Variants in KCP observed in about 807,000 individuals in gnomAD.
KCP encodes kielin/chordin-like protein.
Under a neutral mutation model 212.7 loss-of-function variants are expected in KCP, and 194 were observed. The observed-to-expected ratio is 0.91, with a 90% CI of 0.81 to 1.03. The LOEUF (loss-of-function observed/expected upper bound fraction) is 1.03. Among genes scored for constraint, KCP ranks in the 50% least tolerant of loss-of-function variants. The pLI, the probability that KCP is intolerant of heterozygous loss-of-function variation, is 0.00. For synonymous variants in KCP, 833 were observed against 865.3 expected, an observed-to-expected ratio of 0.96 and a Z score of 0.65; for missense variants, 2,080 against 2,162.5, an observed-to-expected ratio of 0.96 and a Z score of 0.76.
chr7:128,905,683 C>G (rs373578190), intron 5 of KCP, among the ~76,000 whole-genome samples: 1 of 152,226 alleles, frequency 6.6e-6, no homozygotes, highest in Admixed American at 6.5e-5. Context: ...TTCAATACCC[C>G]CCACTGCCCA....
rs375668649 is a variant in KCP, at chr7:128,908,546, G to A, written c.99C>T (p.Pro33=). 6.4e-7 allele frequency: 1 copy of A among 1,551,280 alleles called. No homozygotes were observed. Among genetic ancestry groups the A allele is most frequent in the East Asian group, 2.4e-5 (1 of 40,894 alleles). The change falls in exon 2 of 40, where the codon CCC becomes CCT. Residue 33 remains proline (P), a synonymous_variant. Coordinates refer to ENST00000610776, the MANE Select transcript of KCP (RefSeq NM_001366122.1). ...GAEGGAVPRE[P]PGQQTTAHSS... is the part of the protein sequence containing the mutation. ...AATGGGCAGTTGTCTGCTGCCCAGG[G>A]GGCTCCCTGGGGACAGCCCCACCTG...
chr7:128,891,101 G>T lies in KCP; in HGVS notation c.1973-5C>A, dbSNP rs973965743. On this transcript the variant is annotated splice_region_variant and splice_polypyrimidine_tract_variant and intron_variant, in intron 19 of 39. Transcript: ENST00000610776. ...AGCCGGCGGGGGCTGGGGCGGCTGC[G>T]GCGAGACAGCGCATCAAAGGGGCCC... 8.3e-5 allele frequency: 121 copies of T among 1,459,726 alleles called. No individual in the cohort carries two copies. The highest frequency in any genetic ancestry group is 1.1e-4 in the Non-Finnish European group (120 of 1,109,310). 90.4% of individuals were successfully genotyped at this position (1,459,726 alleles called of 1,614,324 possible).
At chr7:128,909,213 A>C (rs1795305185) in intron 1 of KCP, among the ~76,000 whole-genome samples, 1 of 152,174 alleles carries the variant, frequency 6.6e-6, no homozygotes, top group Non-Finnish European at 1.5e-5. Context: ...AAGTAAAGGC[A>C]GGAGGGGAAG....
In KCP at chr7:128,898,148, T is replaced by C. The variant is rs140159978; in HGVS notation, c.832-3855A>G. 5.3e-3 allele frequency among the ~76,000 whole-genome samples: 814 copies of C among 152,184 alleles called. 9 individuals are homozygous for C. Among genetic ancestry groups the C allele is most frequent in the African/African-American group, 0.018 (733 of 41,524 alleles). On this transcript the variant is annotated intron_variant, in intron 8 of 39. Transcript: ENST00000610776. ...TTGGCTCACTGCAACCTCTGCCTCC[T>C]GGGTTCAAGCCAGTCTCCTGCCTCA...
At chr7:128,878,362 A>T (rs1209018398) in intron 38 of KCP, among the ~76,000 whole-genome samples, 196 bp downstream of exon 38, 1 of 152,070 alleles carries the variant, frequency 6.6e-6, no homozygotes, top group East Asian at 1.9e-4. Context: ...CCGGCCAATG[A>T]GGCCTCTTTT....
chr7:128,891,892 G>A (rs764919529), intron 16 of KCP, 73 bp from the exon 17 acceptor site: 17 of 1,176,640 alleles, frequency 1.4e-5, no homozygotes, highest in African/African-American at 1.4e-4. Flanking sequence ...GTCCAGAGCC[G>A]CCACACAAGT....
Position 128,878,678 on chromosome 7 carries a change from G to A in KCP, c.4191C>T (p.Gly1397=), listed in dbSNP as rs1793136638. The stretch of plus-strand genomic sequence containing the variant: ...GCCCACAAGTCCGGCCCTGGTAGGA[G>A]CCAGGTACGCTCACCTCCACCTGGG... ...GQSQVEVSVP[G]SYQGRTCGLC... is the part of the protein sequence containing the mutation. The change falls in exon 38 of 40, where the codon GGC becomes GGT. Residue 1397 remains glycine, a synonymous_variant. Coordinates refer to ENST00000610776, the MANE Select transcript of KCP (RefSeq NM_001366122.1). 6 of 1,551,000 alleles carry A rather than the reference G, an allele frequency of 3.9e-6. No individual in the cohort carries two copies. Among genetic ancestry groups the A allele is most frequent in the South Asian group, 2.4e-5 (2 of 84,068 alleles).
Position 128,906,292 on chromosome 7 carries a change from C to A in KCP, c.558G>T (p.Pro186=). 1 of 1,550,888 alleles carries A rather than the reference C, an allele frequency of 6.4e-7. No individual in the cohort carries two copies. The highest frequency in any genetic ancestry group is 8.7e-7 in the Non-Finnish European group (1 of 1,146,658). Reference sequence around the variant, plus strand: ...CAGGAGGCTGACCTGGCTTACAGTGCGGGCAGCATGCTCCTGGCTCAGGGC... The same window carrying A: ...CAGGAGGCTGACCTGGCTTACAGTGAGGGCAGCATGCTCCTGGCTCAGGGC... The part of the protein sequence containing the change: ...GPCPEPGACC[P]HCKPGCDYEG... Residue 186 remains proline (P), a synonymous_variant, in exon 5 of 40, where the codon CCG becomes CCT. Transcript: ENST00000610776.
chr7:128,890,602 G>A lies in KCP; in HGVS notation c.2165-89C>T. ...GTGGGGTTGAGGGGCGTGGAGGACG[G>A]GTGTCGTGGGGGCCGTGGGGGCTGG... is the stretch of plus-strand genomic sequence containing the variant. On this transcript the variant is annotated intron_variant, in intron 20 of 39. Coordinates refer to ENST00000610776, the MANE Select transcript of KCP (RefSeq NM_001366122.1). The A allele has an allele frequency of 2.7e-6, 3 of 1,122,084 alleles. No individual in the cohort carries two copies. The South Asian group carries it at 4.6e-5, about 17-fold the overall frequency. The allele number at this position is 1,122,084 out of a possible 1,614,324, so 69.5% of individuals were successfully genotyped here. A position where few individuals can be genotyped will look rare whatever the true frequency, so the allele number is the denominator to read the frequency against.
Position 128,891,489 on chromosome 7 carries a change from G to C in KCP, c.1840C>G (p.Pro614Ala), listed in dbSNP as rs924862322. Residue 614 changes from proline (P) to alanine (A), a missense_variant, in exon 18 of 40, where the codon CCC (proline) becomes GCC (alanine). Transcript: ENST00000610776. ...AGACGGCAGGGGTCAGAGGGGTGGG[G>C]GAAGTCCGCTCCGCTGGGGTACTCT... ...GKEYPSGADFPHPSDPCRLCR... is the reference protein window; with the variant it reads ...GKEYPSGADFAHPSDPCRLCR... The C allele has an allele frequency of 1.3e-6, 2 of 1,550,140 alleles. No individual in the cohort carries two copies. The highest frequency in any genetic ancestry group is 2.4e-5 in the South Asian group (2 of 84,064).
intron 8 of KCP, among the ~76,000 whole-genome samples, chr7:128,900,083 G>A (rs753207897): frequency 1.8e-4 from 27 of 151,816 alleles, no homozygotes; most frequent in Admixed American, 7.2e-4. Context: ...GGCAAGGCTT[G>A]GCTCAAAAAA....
intron 16 of KCP, 101 bp from the exon 17 acceptor site, chr7:128,891,920 C>A: frequency 1.2e-6 from 1 of 852,060 alleles, no homozygotes; most frequent in Non-Finnish European, 1.7e-6. Context: ...TGGAAGCTGA[C>A]TCGAGGGGAA....
intron 8 of KCP, among the ~76,000 whole-genome samples, chr7:128,897,304 TA>T (rs1563045624): frequency 6.6e-6 from 1 of 152,226 alleles, no homozygotes; most frequent in East Asian, 1.9e-4. Context: ...AATAACTGGA[TA>T]AGGTTTCCCT....
chr7:128,879,264 T>G (rs1459658011), intron 37 of KCP: 1 of 501,310 alleles, frequency 2.0e-6, no homozygotes, highest in African/African-American at 1.9e-5. Context: ...AGACGAGAAA[T>G]CTGTGGCCCA....
Position 128,903,799 on chromosome 7 carries a change from C to T in KCP, c.676G>A (p.Ala226Thr). ...TCLRSRVRCM[A>T]LKCPPSPCPE... is the part of the protein sequence containing the mutation. ...CAGGGGCTAGGCGGGCACTTCAGGG[C>T]CATGCAGCGAACTCGGCTCCTCTGT... is the stretch of plus-strand genomic sequence containing the variant. The change falls in exon 7 of 40, where the codon GCC (alanine) becomes ACC (threonine). Residue 226 changes from alanine to threonine, a missense_variant. Coordinates refer to ENST00000610776, the MANE Select transcript of KCP (RefSeq NM_001366122.1). The T allele has an allele frequency of 6.4e-7, 1 of 1,551,196 alleles. No homozygotes were observed. Among genetic ancestry groups the T allele is most frequent in the South Asian group, 1.2e-5 (1 of 84,038 alleles).
At position 128,890,482 on chromosome 7, in the gene KCP, G is replaced by T. The variant is rs746312809; in HGVS notation, c.2196C>A (p.Ser732Arg). ...CAGTGGGCGATGGGAAGCGCTCCCC[G>T]CTGGCAAACTCCTTCCCCTGGTACA... Reference protein sequence around the residue: ...GCLYQGKEFASGERFPSPTAA... With the variant: ...GCLYQGKEFARGERFPSPTAA... The change falls in exon 21 of 40, where the codon AGC (serine) becomes AGA (arginine). Residue 732 changes from serine (S) to arginine (R), a missense_variant. Ser to Arg is a moderately radical substitution (Grantham distance 110, BLOSUM62 -1). Transcript: ENST00000610776. The T allele has an allele frequency of 6.5e-7, 1 of 1,550,226 alleles. No homozygotes were observed. Among genetic ancestry groups the T allele is most frequent in the South Asian group, 1.2e-5 (1 of 84,024 alleles).
intron 7 of KCP, 182 bp from the exon 8 acceptor site, chr7:128,903,041 C>T (rs1314373251): frequency 9.8e-6 from 6 of 611,900 alleles, no homozygotes; most frequent in Non-Finnish European, 5.8e-6. Context: ...AGGGTGAGGC[C>T]TCAGTTCCTT....
chr7:128,889,609 T>A (rs1793959440), intron 21 of KCP, among the ~76,000 whole-genome samples: 1 of 152,258 alleles, frequency 6.6e-6, no homozygotes, highest in African/African-American at 2.4e-5. Flanking sequence ...TTTAATTATA[T>A]TCATTTTTAT....
Position 128,890,517 on chromosome 7 carries a change from G to A in KCP, c.2165-4C>T. On this transcript the variant is annotated splice_polypyrimidine_tract_variant and splice_region_variant and intron_variant, in intron 20 of 39. Coordinates refer to ENST00000610776, the MANE Select transcript of KCP (RefSeq NM_001366122.1). The stretch of plus-strand genomic sequence containing the variant: ...TCCTTCCCCTGGTACAGGCAGCCTG[G>A]GGAGAAGGGCAGGGGCTGGGGGGCC... 6.5e-7 allele frequency: 1 copy of A among 1,546,248 alleles called. No homozygotes were observed. The highest frequency in any genetic ancestry group is 8.7e-7 in the Non-Finnish European group (1 of 1,145,540).
Sources: allele counts gnomAD v4.1 joint callset (sites outside exome capture counted in the v4.1 genomes callset), GRCh38; gene constraint gnomAD v4.1.1; transcripts MANE v1.5; gene names NCBI Gene and HGNC (gene_info 2026-07-23, HGNC 2026-07-21).